The following FAM81B variants were observed in gnomAD, a reference collection of about 807,000 sequenced individuals.
FAM81B encodes family with sequence similarity 81 member B, also known as protein FAM81B.
In FAM81B, 60 loss-of-function variants were observed where a neutral mutation model predicts 58.7. The observed-to-expected ratio is 1.02, with a 90% CI of 0.83 to 1.27. The LOEUF is 1.27. Ranked by LOEUF, FAM81B falls within the 50% of genes most tolerant of loss-of-function variation. FAM81B has a pLI of 0.00. For missense variants in FAM81B, 491 were observed against 522.0 expected (o/e 0.94, Z 0.58); for synonymous variants, 189 against 179.6 (o/e 1.05, Z -0.42).
At chr5:95,448,147 A>C in intron 8 of FAM81B, 122 bp from the exon 9 acceptor site, 1 of 891,850 alleles carries the variant, frequency 1.1e-6, no homozygotes, top group Non-Finnish European at 1.7e-6. Flanking sequence ...TTTAGATACA[A>C]AGGAACTTGG....
intron 2 of FAM81B, among the ~76,000 whole-genome samples, chr5:95,395,322 C>A (rs1761936217): frequency 6.6e-6 from 1 of 151,296 alleles, no homozygotes; most frequent in African/African-American, 2.4e-5. Flanking sequence ...GGGCGCCTGT[C>A]GTCCCAGCTA....
rs576287272 is a variant in FAM81B at position 95,413,640 on chromosome 5, G to A, written c.294-307G>A. On this transcript the variant is annotated intron_variant, in intron 3 of 9. Transcript: ENST00000283357. ...GTTATAAAAACTTAATTTTTTCTACGTTAAAGTAGAATTTTCATAAGGGGT... is the reference window on the plus strand; with the variant it reads ...GTTATAAAAACTTAATTTTTTCTACATTAAAGTAGAATTTTCATAAGGGGT... Among the ~76,000 whole-genome samples the A allele has an allele frequency of 6.7e-4, 102 of 152,004 alleles. 1 individual carries two copies. Among genetic ancestry groups the A allele is most frequent in the Non-Finnish European group, 8.2e-4 (56 of 68,016 alleles).
intron 6 of FAM81B, among the ~76,000 whole-genome samples, chr5:95,432,643 T>A (rs978721696): frequency 6.6e-6 from 1 of 151,856 alleles, no homozygotes; most frequent in Admixed American, 6.6e-5. Flanking sequence ...TACTTTTTCT[T>A]AGAAAAAAAA....
intron 7 of FAM81B, among the ~76,000 whole-genome samples, chr5:95,443,308 G>C (rs1164561402): frequency 6.6e-6 from 1 of 151,768 alleles, no homozygotes; most frequent in Non-Finnish European, 1.5e-5. Flanking sequence ...AATTGCTCTC[G>C]GTGTGTACTT....
chr5:95,436,429 A>G (rs1018857357), intron 6 of FAM81B, among the ~76,000 whole-genome samples: 1 of 152,230 alleles, frequency 6.6e-6, no homozygotes, highest in African/African-American at 2.4e-5. Context: ...ATAGCATACC[A>G]TATCTTGTAT....
intron 3 of FAM81B, among the ~76,000 whole-genome samples, chr5:95,401,095 T>A (rs571498691): frequency 1.0e-3 from 153 of 152,276 alleles, no homozygotes; most frequent in African/African-American, 3.6e-3. Flanking sequence ...GGGACTCTGT[T>A]TGGAACCTTT....
chr5:95,424,558 A>G (rs1030716885), intron 5 of FAM81B, among the ~76,000 whole-genome samples: 7 of 152,180 alleles, frequency 4.6e-5, no homozygotes, highest in African/African-American at 1.7e-4. Context: ...ATATAAACCC[A>G]TAAGGACCAG....
At chr5:95,398,418 C>CTAAATAAA (rs5869676) in intron 3 of FAM81B, among the ~76,000 whole-genome samples, 1,877 of 142,386 alleles carry the variant, frequency 0.013, 15 homozygotes, top group East Asian at 0.018. Flanking sequence ...AACTCAATCT[C>CTAAATAAA]TAAATAAATA....
chr5:95,433,708 A>G (rs529129651), intron 6 of FAM81B, among the ~76,000 whole-genome samples: 1 of 152,302 alleles, frequency 6.6e-6, no homozygotes, highest in East Asian at 1.9e-4. Flanking sequence ...TTAGGGCACA[A>G]AGTTCAATCA....
intron 7 of FAM81B, among the ~76,000 whole-genome samples, chr5:95,443,236 C>T (rs17084725): frequency 0.2 from 29,978 of 151,808 alleles, 4,560 homozygotes; most frequent in African/African-American, 0.43. Flanking sequence ...TGCCTTGTGC[C>T]CTGCTATGTC....
intron 5 of FAM81B, 72 bp downstream of exon 5, chr5:95,420,474 T>C (rs952230615): frequency 4.6e-5 from 73 of 1,588,958 alleles, no homozygotes; most frequent in Non-Finnish European, 5.8e-5. Flanking sequence ...CTAAACAAGC[T>C]CCATGCTGTG....
At chr5:95,424,182 C>G in intron 5 of FAM81B, 1 of 1,289,806 alleles carries the variant, frequency 7.8e-7, no homozygotes, top group Non-Finnish European at 1.0e-6. Context: ...ACTCACTGAT[C>G]CTCTGCAGGT....
chr5:95,413,904 T>C, intron 3 of FAM81B, 43 bp from the exon 4 acceptor site: 1 of 1,564,064 alleles, frequency 6.4e-7, no homozygotes, highest in Middle Eastern at 1.7e-4. Context: ...CTCCAGCTCA[T>C]TCTTGTAATG....
intron 3 of FAM81B, among the ~76,000 whole-genome samples, chr5:95,401,418 A>G (rs942230463): frequency 3.9e-5 from 6 of 152,094 alleles, no homozygotes; most frequent in African/African-American, 1.2e-4. Flanking sequence ...AGCCCTACCT[A>G]AAACTCAGCA....
chr5:95,420,718 T>G (rs1582806368), intron 5 of FAM81B, among the ~76,000 whole-genome samples: 1 of 84,856 alleles, frequency 1.2e-5, no homozygotes, highest in East Asian at 2.7e-4. Flanking sequence ...GAAATCCCCA[T>G]ATGTGTCAAA....
chr5:95,396,034 T>A, intron 2 of FAM81B, 77 bp from the exon 3 acceptor site: 1 of 1,173,934 alleles, frequency 8.5e-7, no homozygotes, highest in Non-Finnish European at 1.2e-6. Flanking sequence ...AAATTAAAAC[T>A]CTTTAAAGAT....
chr5:95,437,387 C>G (rs1173812476), intron 7 of FAM81B, among the ~76,000 whole-genome samples: 1 of 152,092 alleles, frequency 6.6e-6, no homozygotes, highest in Non-Finnish European at 1.5e-5. Flanking sequence ...GCTCTGTCGC[C>G]CAGGCTGGAG....
chr5:95,431,239 C>G (rs1164065426), intron 6 of FAM81B, among the ~76,000 whole-genome samples: 11 of 152,068 alleles, frequency 7.2e-5, no homozygotes, highest in Non-Finnish European at 1.6e-4. Context: ...AAGAGCTTCC[C>G]TACACAAAGT....
Position 95,433,721 on chromosome 5 carries a change from A to G in FAM81B, c.787-3079A>G, listed in dbSNP as rs188714300. ...TTTTAGGGCACAAAGTTCAATCAGT[A>G]CTTATAGGGAATAACTTACTGGTTA... On this transcript the variant is annotated intron_variant, in intron 6 of 9. Transcript: ENST00000283357. 9.1e-4 allele frequency among the ~76,000 whole-genome samples: 138 copies of G among 152,334 alleles called. 1 individual carries two copies. The highest frequency in any genetic ancestry group is 1.8e-3 in the Non-Finnish European group (121 of 68,028).
Sources: allele counts gnomAD v4.1 joint callset (sites outside exome capture counted in the v4.1 genomes callset), GRCh38; gene constraint gnomAD v4.1.1; transcripts MANE v1.5; gene names NCBI Gene and HGNC (gene_info 2026-07-23, HGNC 2026-07-21).